LRP1B: variants seen among roughly 807,000 people sequenced by gnomAD.
LRP1B encodes the protein LDL receptor related protein 1B, also known as low-density lipoprotein receptor-related protein 1B.
Under a neutral mutation model 556.6 loss-of-function variants are expected in LRP1B, and 217 were observed. The ratio of observed to expected loss-of-function variants is 0.39; its 90% CI spans 0.35 to 0.44. The LOEUF is 0.44. Ranked by LOEUF, LRP1B falls within the 20% of genes least tolerant of loss-of-function variation. LRP1B has a pLI of 1.00. For synonymous variants in LRP1B, 2,047 were observed against 1,865.8 expected (o/e 1.10, Z -2.50); for missense variants, 5,053 against 5,620.8 (o/e 0.90, Z 3.23).
chr2:141,072,827 G>A (rs999865959), intron 7 of LRP1B, among the ~76,000 whole-genome samples: 5 of 151,916 alleles, frequency 3.3e-5, no homozygotes, highest in African/African-American at 4.8e-5. Flanking sequence ...TTTTCTTATA[G>A]CCCCAGCTAA....
intron 1 of LRP1B, among the ~76,000 whole-genome samples, chr2:142,007,649 G>T (rs1702841605): frequency 6.6e-6 from 1 of 152,152 alleles, no homozygotes. Context: ...GTTCCAGCTA[G>T]GGACAGATCA....
chr2:141,831,426 G>A (rs1437754758), intron 1 of LRP1B, among the ~76,000 whole-genome samples: 1 of 151,506 alleles, frequency 6.6e-6, no homozygotes, highest in Non-Finnish European at 1.5e-5. Flanking sequence ...CTGACTTTGT[G>A]TTTTTCAATA....
chr2:141,709,169 T>C (rs1236739757), intron 2 of LRP1B, among the ~76,000 whole-genome samples: 1 of 151,786 alleles, frequency 6.6e-6, no homozygotes, highest in South Asian at 2.1e-4. Context: ...AGCAATATGG[T>C]GAAACCCCGT....
intron 1 of LRP1B, among the ~76,000 whole-genome samples, chr2:142,009,982 G>T (rs949396956): frequency 2.6e-5 from 4 of 151,990 alleles, no homozygotes; most frequent in African/African-American, 7.3e-5. Flanking sequence ...ACATGTATGT[G>T]TATATCTCTT....
intron 35 of LRP1B, among the ~76,000 whole-genome samples, chr2:140,742,079 T>A (rs1688161218): frequency 1.3e-5 from 2 of 152,222 alleles, no homozygotes; most frequent in African/African-American, 4.8e-5. Context: ...ATAAAATTAA[T>A]CTCTGATTTC....
chr2:141,732,930 G>A (rs10172574), intron 2 of LRP1B, among the ~76,000 whole-genome samples: 104,939 of 151,908 alleles, frequency 0.69, 37,893 homozygotes, highest in East Asian at 0.89. Flanking sequence ...TCAAAGTGAG[G>A]AATCTTGGCA....
intron 3 of LRP1B, among the ~76,000 whole-genome samples, chr2:141,409,045 C>G (rs372091340): frequency 6.6e-6 from 1 of 152,104 alleles, no homozygotes; most frequent in Admixed American, 6.5e-5. Flanking sequence ...GTCAGACTTT[C>G]ATTTGCTAGG....
intron 41 of LRP1B, among the ~76,000 whole-genome samples, chr2:140,682,094 T>G (rs907139068): frequency 3.3e-5 from 5 of 152,220 alleles, no homozygotes; most frequent in Non-Finnish European, 5.9e-5. Flanking sequence ...TTAATAACCT[T>G]AAAATATTAA....
intron 82 of LRP1B, among the ~76,000 whole-genome samples, chr2:140,320,602 C>CT (rs982486996): frequency 2.0e-5 from 3 of 149,770 alleles, no homozygotes; most frequent in Non-Finnish European, 4.4e-5. Context: ...TTTTTTTTTC[C>CT]TTTTTGTGGA....
intron 29 of LRP1B, among the ~76,000 whole-genome samples, chr2:140,847,477 A>G (rs575364233): frequency 6.6e-6 from 1 of 152,232 alleles, no homozygotes; most frequent in South Asian, 2.1e-4. Flanking sequence ...TACTATATAG[A>G]AAATGTTCAG....
intron 1 of LRP1B, among the ~76,000 whole-genome samples, chr2:141,894,439 G>A (rs1699377813): frequency 6.6e-6 from 1 of 151,278 alleles, no homozygotes; most frequent in African/African-American, 2.4e-5. Flanking sequence ...AAGACACCTT[G>A]CAGGGCTTTT....
At chr2:140,955,904 T>A (rs1695858689) in intron 18 of LRP1B, among the ~76,000 whole-genome samples, 1 of 151,734 alleles carries the variant, frequency 6.6e-6, no homozygotes, top group Non-Finnish European at 1.5e-5. Context: ...TATTTTTAAG[T>A]AATTTGTTAA....
intron 43 of LRP1B, among the ~76,000 whole-genome samples, chr2:140,551,750 G>C (rs1003414313): frequency 6.6e-6 from 1 of 152,074 alleles, no homozygotes; most frequent in Non-Finnish European, 1.5e-5. Context: ...TTGAGTAAGA[G>C]AGAAAAGTGA....
At chr2:141,463,631 A>G (rs1682032420) in intron 3 of LRP1B, among the ~76,000 whole-genome samples, 1 of 112,728 alleles carries the variant, frequency 8.9e-6, no homozygotes, top group Admixed American at 1.0e-4. Flanking sequence ...ATTATATATT[A>G]TTATATATTA....
At chr2:141,767,008 A>AT (rs1293538683) in intron 2 of LRP1B, among the ~76,000 whole-genome samples, 5 of 152,158 alleles carry the variant, frequency 3.3e-5, no homozygotes, top group African/African-American at 1.2e-4. Flanking sequence ...GAACATAACA[A>AT]TTTTTTATTA....
At chr2:141,999,247 C>T (rs1429945746) in intron 1 of LRP1B, among the ~76,000 whole-genome samples, 1 of 152,124 alleles carries the variant, frequency 6.6e-6, no homozygotes, top group Non-Finnish European at 1.5e-5. Flanking sequence ...CGACCCTCCC[C>T]TCCCCATCAT....
chr2:141,700,367 A>G (rs868559933), intron 2 of LRP1B, among the ~76,000 whole-genome samples: 1 of 151,934 alleles, frequency 6.6e-6, no homozygotes, highest in South Asian at 2.1e-4. Context: ...ATTTATCAAA[A>G]TAATAAAGGA....
At chr2:141,361,566 A>G (rs185436752) in intron 3 of LRP1B, among the ~76,000 whole-genome samples, 1 of 152,308 alleles carries the variant, frequency 6.6e-6, no homozygotes, top group East Asian at 1.9e-4. Context: ...AGTAAAACAT[A>G]TCTCGATGTG....
chr2:140,958,337 A>G (rs577570818), intron 18 of LRP1B, among the ~76,000 whole-genome samples: 2 of 151,786 alleles, frequency 1.3e-5, no homozygotes, highest in East Asian at 3.9e-4. Context: ...AACCATGTAA[A>G]AAGACACACA....
Sources: gnomAD v4.1 joint callset for allele counts (sites outside exome capture counted in the v4.1 genomes callset) on GRCh38, gnomAD v4.1.1 for gene constraint, MANE v1.5 for transcripts, NCBI Gene and HGNC (gene_info 2026-07-23, HGNC 2026-07-21) for gene names.